PEBP4: variants seen among roughly 807,000 people sequenced by gnomAD.
PEBP4 encodes the protein phosphatidylethanolamine-binding protein 4.
In PEBP4, 22 loss-of-function variants were observed where a neutral mutation model predicts 23.9. That is an observed-to-expected ratio of 0.92 (90% CI 0.66 to 1.31). PEBP4 has a LOEUF of 1.31. Among genes scored for constraint, PEBP4 ranks in the 40% most tolerant of loss-of-function variants. The probability of loss-of-function intolerance (pLI) is 0.00; values close to 1 mark genes in which losing one functional copy is unlikely to be tolerated. For synonymous variants in PEBP4, 112 were observed against 99.3 expected, an observed-to-expected ratio of 1.13 and a Z score of -0.76; for missense variants, 324 against 281.7, an observed-to-expected ratio of 1.15 and a Z score of -1.07.
intron 3 of PEBP4, among the ~76,000 whole-genome samples, chr8:22,910,783 C>T (rs1034070089): frequency 1.3e-5 from 2 of 152,122 alleles, no homozygotes; most frequent in Non-Finnish European, 2.9e-5. Context: ...GCGAAAAGAC[C>T]AGTGGTTGCC....
chr8:22,758,253 G>A (rs1193207661), intron 4 of PEBP4: 2 of 152,184 alleles, frequency 1.3e-5, no homozygotes, highest in African/African-American at 4.8e-5. Flanking sequence ...CTTCCCTCCG[G>A]TGACCCTTTC....
chr8:22,901,458 T>C (rs935014050), intron 3 of PEBP4, among the ~76,000 whole-genome samples: 3 of 152,132 alleles, frequency 2.0e-5, no homozygotes, highest in Non-Finnish European at 2.9e-5. Context: ...AGGGAGTGTG[T>C]TGTGTTGATC....
intron 4 of PEBP4, among the ~76,000 whole-genome samples, chr8:22,731,841 T>A (rs942478321): frequency 8.1e-5 from 12 of 148,646 alleles, no homozygotes; most frequent in African/African-American, 1.3e-4. Flanking sequence ...TTTTTTTTTT[T>A]AATTTTTTTA....
Position 22,927,845 on chromosome 8 carries a change from G to A in PEBP4, c.-29C>T, listed in dbSNP as rs1328823422. 5.8e-6 allele frequency: 7 copies of A among 1,216,164 alleles called. No individual in the cohort carries two copies. The highest frequency in any genetic ancestry group is 8.0e-6 in the Non-Finnish European group (7 of 875,580). The allele number at this position is 1,216,164 out of a possible 1,614,324, so 75.3% of individuals were successfully genotyped here. On this transcript the variant is annotated 5_prime_UTR_variant, in exon 1 of 7. Coordinates refer to ENST00000256404, the MANE Select transcript of PEBP4 (RefSeq NM_144962.3). Reference sequence around the variant, plus strand: ...GACCTCTGGTTAAGCACAGGGAGAAGGACAGGCAGCTTCCAGGGCTCCGCA... The same window carrying A: ...GACCTCTGGTTAAGCACAGGGAGAAAGACAGGCAGCTTCCAGGGCTCCGCA...
chr8:22,867,573 C>G (rs1807931886), intron 3 of PEBP4, among the ~76,000 whole-genome samples: 1 of 152,148 alleles, frequency 6.6e-6, no homozygotes, highest in South Asian at 2.1e-4. Context: ...GCTGGGGAAC[C>G]CTGGACAAAG....
rs956956249 is a variant in PEBP4 at position 22,865,089 on chromosome 8, C to T, written c.259-47354G>A. Among the ~76,000 whole-genome samples, 1 of 152,220 alleles carries T rather than the reference C, an allele frequency of 6.6e-6. No homozygotes were observed. The highest frequency in any genetic ancestry group is 1.9e-4 in the East Asian group (1 of 5,166). On this transcript the variant is annotated intron_variant, in intron 3 of 6. Coordinates refer to ENST00000256404, the MANE Select transcript of PEBP4 (RefSeq NM_144962.3). This position sits in a 1 kb window ranked among gnomAD's most constrained non-coding sequence, Gnocchi z 6.9. ...GGACCTGCAGGGCCAGACGCCGAGC[C>T]CTGGATGCGAGGTGGGGGTAGACAG...
rs1434623801 is a variant in PEBP4, at chr8:22,741,638, AC to A, written c.358-14419del. 7.9e-5 allele frequency among the ~76,000 whole-genome samples: 12 copies of A among 152,164 alleles called. No individual in the cohort carries two copies. In the South Asian group the frequency reaches 1.9e-3, roughly 24 times the overall value. The stretch of plus-strand genomic sequence containing the variant: ...CCAGCGGAACCTGGGTCACTGTGCC[AC>A]CCCATCAGTGGGTGGCTGTCTGTTA... On this transcript the variant is annotated intron_variant, in intron 4 of 6. Coordinates refer to ENST00000256404, the MANE Select transcript of PEBP4 (RefSeq NM_144962.3).
chr8:22,899,754 G>A (rs952319547), intron 3 of PEBP4, among the ~76,000 whole-genome samples: 4 of 152,126 alleles, frequency 2.6e-5, no homozygotes, highest in Admixed American at 1.3e-4. Context: ...CAGAGAAATC[G>A]CAGAATTCGT....
intron 4 of PEBP4, among the ~76,000 whole-genome samples, chr8:22,798,775 T>A (rs986921155): frequency 7.0e-6 from 1 of 142,890 alleles, no homozygotes; most frequent in Admixed American, 7.2e-5. Flanking sequence ...CTTAACTCTG[T>A]CACCCAGGCT....
chr8:22,854,459 A>C (rs1236296796), intron 3 of PEBP4, among the ~76,000 whole-genome samples: 1 of 152,230 alleles, frequency 6.6e-6, no homozygotes, highest in Non-Finnish European at 1.5e-5. Flanking sequence ...CGTAGGGACC[A>C]GTCTCAGGAA....
At chr8:22,871,850 CCT>C (rs1276547591) in intron 3 of PEBP4, among the ~76,000 whole-genome samples, 1 of 152,014 alleles carries the variant, frequency 6.6e-6, no homozygotes, top group Non-Finnish European at 1.5e-5. Flanking sequence ...CCGCGCCTGC[CCT>C]GATTTCTGGG....
Position 22,721,507 on chromosome 8 carries a change from T to C in PEBP4, c.517+3336A>G, listed in dbSNP as rs530641488. 7.2e-4 allele frequency among the ~76,000 whole-genome samples: 110 copies of C among 152,218 alleles called. 1 individual carries two copies. Among genetic ancestry groups the C allele is most frequent in the Middle Eastern group, 3.4e-3 (1 of 294 alleles). ...CTACTAGAATCATCTCAAGCCTCCT[T>C]CTTCACCCTAAGCCTGTCATTTACC... is the stretch of plus-strand genomic sequence containing the variant. On this transcript the variant is annotated intron_variant, in intron 6 of 6. Transcript: ENST00000256404.
chr8:22,916,065 C>T (rs1433625077), intron 3 of PEBP4, among the ~76,000 whole-genome samples: 1 of 152,196 alleles, frequency 6.6e-6, no homozygotes, highest in Non-Finnish European at 1.5e-5. Context: ...CACTCAGGGC[C>T]ACCTGCTTTG....
chr8:22,732,792 T>C (rs1452432515), intron 4 of PEBP4, among the ~76,000 whole-genome samples: 1 of 152,142 alleles, frequency 6.6e-6, no homozygotes, highest in Non-Finnish European at 1.5e-5. Flanking sequence ...GGCTCAACAC[T>C]GTGGACACTT....
rs563441989 is a variant in PEBP4 at position 22,814,608 on chromosome 8, C to T, written c.357+3029G>A. On this transcript the variant is annotated intron_variant, in intron 4 of 6. Coordinates refer to ENST00000256404, the MANE Select transcript of PEBP4 (RefSeq NM_144962.3). ...GGCCTGATCAACCATCCAGTTAGAC[C>T]TGGCCCCCTAATATCAGGGTCAGCT... 2.6e-5 allele frequency among the ~76,000 whole-genome samples: 4 copies of T among 152,304 alleles called. No individual in the cohort carries two copies. The East Asian group carries it at 7.7e-4, about 29-fold the overall frequency.
intron 3 of PEBP4, among the ~76,000 whole-genome samples, chr8:22,853,916 T>C (rs943082038): frequency 6.6e-6 from 1 of 152,212 alleles, no homozygotes; most frequent in Non-Finnish European, 1.5e-5. Flanking sequence ...CTGCTTATTG[T>C]TTTTGATAAA....
intron 3 of PEBP4, among the ~76,000 whole-genome samples, chr8:22,866,993 C>T (rs571142311): frequency 1.3e-5 from 2 of 151,984 alleles, no homozygotes; most frequent in East Asian, 1.9e-4. Flanking sequence ...AGCATAGAGG[C>T]GGGTTGAAGA....
intron 2 of PEBP4, among the ~76,000 whole-genome samples, chr8:22,921,257 T>A (rs184675809): frequency 1.2e-3 from 183 of 152,356 alleles, no homozygotes; most frequent in African/African-American, 4.1e-3. Flanking sequence ...AAGACATCAC[T>A]GAGAGAGAAA....
intron 3 of PEBP4, among the ~76,000 whole-genome samples, chr8:22,867,092 G>A (rs1344613854): frequency 2.6e-5 from 4 of 152,180 alleles, no homozygotes; most frequent in African/African-American, 4.8e-5. Flanking sequence ...GAAGCCCCTC[G>A]GGTAGAGAAT....
Sources: allele counts gnomAD v4.1 joint callset (sites outside exome capture counted in the v4.1 genomes callset), GRCh38; gene constraint gnomAD v4.1.1; non-coding constraint Gnocchi (gnomAD v3.1); transcripts MANE v1.5; gene names NCBI Gene and HGNC (gene_info 2026-07-23, HGNC 2026-07-21).